Variants in SHISA9 observed in about 807,000 individuals in gnomAD.
SHISA9 encodes the protein protein shisa-9.
Under a neutral mutation model 38.0 loss-of-function variants are expected in SHISA9, and 13 were observed. That is an observed-to-expected ratio of 0.34 (90% CI 0.22 to 0.54). SHISA9 has a LOEUF of 0.54. Ranked by LOEUF, SHISA9 falls within the 20% of genes least tolerant of loss-of-function variation. The pLI, the probability that SHISA9 is intolerant of heterozygous loss-of-function variation, is 0.91. For missense variants in SHISA9, 538 were observed against 575.8 expected, an observed-to-expected ratio of 0.93 and a Z score of 0.67; for synonymous variants, 275 against 242.0, an observed-to-expected ratio of 1.14 and a Z score of -1.27.
chr16:13,003,701 T>C (rs1376880911), intron 2 of SHISA9, among the ~76,000 whole-genome samples: 3 of 151,912 alleles, frequency 2.0e-5, no homozygotes, highest in African/African-American at 7.3e-5. Flanking sequence ...CTACTAAAAA[T>C]ACAAAGATTA....
At chr16:12,940,296 T>G (rs955988091) in intron 2 of SHISA9, among the ~76,000 whole-genome samples, 9 of 152,090 alleles carry the variant, frequency 5.9e-5, no homozygotes, top group Non-Finnish European at 1.0e-4. Flanking sequence ...ATACTATAAT[T>G]CCAAATACCC....
the SHISA9 span, among the ~76,000 whole-genome samples, chr16:13,413,955 G>A: frequency 6.6e-5 from 10 of 152,096 alleles, no homozygotes; most frequent in African/African-American, 2.2e-4. Flanking sequence ...TCCTGCAACC[G>A]TAGCAATGGC....
chr16:13,253,346 G>A, the SHISA9 span, among the ~76,000 whole-genome samples: 11 of 152,098 alleles, frequency 7.2e-5, no homozygotes, highest in South Asian at 2.1e-4. Context: ...TCATGTCAAC[G>A]TCATCAGTGC....
At chr16:13,460,340 A>T in the SHISA9 span, among the ~76,000 whole-genome samples, 1 of 152,184 alleles carries the variant, frequency 6.6e-6, no homozygotes, top group Non-Finnish European at 1.5e-5. Flanking sequence ...GACTCATTAT[A>T]TATCAGTCAT....
At chr16:13,072,044 C>T (rs372699633) in intron 2 of SHISA9, among the ~76,000 whole-genome samples, 56 of 152,278 alleles carry the variant, frequency 3.7e-4, no homozygotes, top group Middle Eastern at 3.4e-3. Flanking sequence ...GAGAGAACTC[C>T]GCTTCTCTGC....
the SHISA9 span, among the ~76,000 whole-genome samples, chr16:13,306,185 C>T: frequency 2.0e-5 from 3 of 152,114 alleles, no homozygotes; most frequent in African/African-American, 7.2e-5. Flanking sequence ...GGAAGCAAGA[C>T]CAATTGAGAT....
chr16:13,010,093 G>T (rs1271375284), intron 2 of SHISA9, among the ~76,000 whole-genome samples: 1 of 152,100 alleles, frequency 6.6e-6, no homozygotes, highest in Non-Finnish European at 1.5e-5. Flanking sequence ...CAGGAAGGTC[G>T]CTTGAGCCCA....
chr16:13,517,314 C>T, the SHISA9 span, among the ~76,000 whole-genome samples: 1 of 152,192 alleles, frequency 6.6e-6, no homozygotes. Flanking sequence ...TGATTTCAGA[C>T]TTCTGGTCTC....
At chr16:13,185,860 G>A (rs977130619) in intron 2 of SHISA9, among the ~76,000 whole-genome samples, 1 of 152,194 alleles carries the variant, frequency 6.6e-6, no homozygotes, top group Admixed American at 6.5e-5. Flanking sequence ...CATTTTCAGA[G>A]GAAAATAAAA....
intron 2 of SHISA9, among the ~76,000 whole-genome samples, chr16:12,979,523 G>GTATGTGGT (rs1012976391): frequency 1.2e-4 from 19 of 152,084 alleles, no homozygotes; most frequent in African/African-American, 4.3e-4. Flanking sequence ...ACATAGTTTT[G>GTATGTGGT]TATCATCAGT....
chr16:13,255,040 C>A, the SHISA9 span, among the ~76,000 whole-genome samples: 3 of 152,014 alleles, frequency 2.0e-5, no homozygotes, highest in Non-Finnish European at 4.4e-5. Context: ...TTCTTTGCTC[C>A]TCTATCTAAT....
the SHISA9 span, among the ~76,000 whole-genome samples, chr16:13,375,246 C>G: frequency 2.0e-5 from 3 of 152,176 alleles, no homozygotes; most frequent in Non-Finnish European, 4.4e-5. Context: ...AGTCCTTTCC[C>G]ATGCCTATGT....
At chr16:13,366,483 C>T in the SHISA9 span, among the ~76,000 whole-genome samples, 1 of 152,180 alleles carries the variant, frequency 6.6e-6, no homozygotes, top group African/African-American at 2.4e-5. Flanking sequence ...TGAGATTCTG[C>T]ATTGTTACAA....
chr16:13,473,349 C>CTTTTTTTTTTTTTTTTT, the SHISA9 span, among the ~76,000 whole-genome samples: 46 of 73,866 alleles, frequency 6.2e-4, 1 homozygote, highest in Non-Finnish European at 8.1e-4. Context: ...TTCTTTCTTT[C>CTTTTTTTTTTTTTTTTT]TTTTTTTTTT....
intron 2 of SHISA9, among the ~76,000 whole-genome samples, chr16:12,939,776 C>T (rs543648308): frequency 4.0e-4 from 61 of 152,322 alleles, no homozygotes; most frequent in Non-Finnish European, 6.3e-4. Flanking sequence ...CAGCATCTGG[C>T]ATATACCTGC....
At chr16:13,121,876 C>T (rs930940197) in intron 2 of SHISA9, among the ~76,000 whole-genome samples, 7 of 134,916 alleles carry the variant, frequency 5.2e-5, no homozygotes, top group African/African-American at 2.1e-4. Context: ...CACACACACA[C>T]ACACACAGAA....
chr16:13,312,272 C>G, the SHISA9 span, among the ~76,000 whole-genome samples: 2 of 152,172 alleles, frequency 1.3e-5, no homozygotes, highest in Non-Finnish European at 2.9e-5. Context: ...ACTTTATTTA[C>G]AAAAACAGAC....
the SHISA9 span, among the ~76,000 whole-genome samples, chr16:13,339,434 T>C: frequency 2.6e-5 from 4 of 152,326 alleles, no homozygotes; most frequent in East Asian, 7.7e-4. Context: ...TCAGTTACAA[T>C]CTGCTGTCTT....
intron 2 of SHISA9, among the ~76,000 whole-genome samples, chr16:13,011,319 ATTT>A (rs55755155): frequency 1.6e-5 from 2 of 127,698 alleles, no homozygotes; most frequent in Non-Finnish European, 1.6e-5. Context: ...ATTAGCACTC[ATTT>A]TTTTTTTTTT....
Sources: allele counts gnomAD v4.1 joint callset (sites outside exome capture counted in the v4.1 genomes callset), GRCh38; gene constraint gnomAD v4.1.1; transcripts MANE v1.5; gene names NCBI Gene and HGNC (gene_info 2026-07-23, HGNC 2026-07-21).